THADA: variants seen among roughly 807,000 people sequenced by gnomAD.
The protein encoded by THADA is THADA armadillo repeat containing.
THADA carries 213 observed loss-of-function variants against 219.8 expected under a neutral mutation model. The observed-to-expected ratio is 0.97, with a 90% CI of 0.87 to 1.09. The LOEUF (loss-of-function observed/expected upper bound fraction) is 1.09. Ranked by LOEUF, THADA falls within the 50% of genes least tolerant of loss-of-function variation. THADA has a pLI of 0.00. For missense variants in THADA, 2,956 were observed against 2,311.3 expected (o/e 1.28, Z -5.72); for synonymous variants, 1,018 against 828.9 (o/e 1.23, Z -3.92).
chr2:43,297,416 C>A (rs1490550767), intron 31 of THADA, among the ~76,000 whole-genome samples: 3 of 98,180 alleles, frequency 3.1e-5, no homozygotes, highest in South Asian at 3.8e-4. Flanking sequence ...GGAGCGTCTC[C>A]GCCCGGCAGC....
At chr2:43,301,480 G>C (rs1676259938) in intron 31 of THADA, among the ~76,000 whole-genome samples, 1 of 152,166 alleles carries the variant, frequency 6.6e-6, no homozygotes, top group Admixed American at 6.5e-5. Flanking sequence ...TGCTCTCATG[G>C]AGCTCCAACT....
chr2:43,413,397 G>A (rs551490742), intron 28 of THADA, among the ~76,000 whole-genome samples: 1 of 152,284 alleles, frequency 6.6e-6, no homozygotes, highest in African/African-American at 2.4e-5. Flanking sequence ...GATTAGCAAA[G>A]ATGGGTTGGG....
At chr2:43,353,976 C>T (rs1008750763) in intron 29 of THADA, among the ~76,000 whole-genome samples, 2 of 152,102 alleles carry the variant, frequency 1.3e-5, no homozygotes. Context: ...TGCCACCATG[C>T]CCGGCTAATT....
chr2:43,464,172 T>C (rs1453500329), intron 26 of THADA, among the ~76,000 whole-genome samples: 1 of 152,208 alleles, frequency 6.6e-6, no homozygotes, highest in Non-Finnish European at 1.5e-5. Context: ...CCCATCCCAG[T>C]GGGTAAAACC....
chr2:43,461,223 T>C (rs1215386205), intron 26 of THADA, among the ~76,000 whole-genome samples: 1 of 152,216 alleles, frequency 6.6e-6, no homozygotes, highest in Non-Finnish European at 1.5e-5. Flanking sequence ...CACCTAAGTC[T>C]ACACTGCCCA....
At chr2:43,317,319 T>G (rs1322964266) in intron 31 of THADA, among the ~76,000 whole-genome samples, 5 of 152,238 alleles carry the variant, frequency 3.3e-5, no homozygotes, top group African/African-American at 1.2e-4. Flanking sequence ...TGATAACAGC[T>G]GTTACTATTC....
intron 16 of THADA, among the ~76,000 whole-genome samples, chr2:43,557,010 G>A (rs1466519700): frequency 1.3e-5 from 2 of 152,142 alleles, no homozygotes; most frequent in African/African-American, 4.8e-5. Flanking sequence ...TCGAGCTCAG[G>A]AGTTCATGGC....
Position 43,552,268 on chromosome 2 carries a change from C to G in THADA, c.2746G>C (p.Ala916Pro), listed in dbSNP as rs775885637. ...ACTCGCCCATACATTGGAAATGCTG[C>G]TGCTGCCTGAAGCAGAGAATTTTCA... The part of the protein sequence containing the change: ...QAENSLLQAA[A>P]AFPMYGRVHC... The change falls in exon 18 of 38, where the codon GCA (alanine) becomes CCA (proline). Residue 916 changes from alanine (A) to proline (P), a missense_variant. By Grantham distance (27) the Ala-to-Pro change is conservative. Transcript: ENST00000405975. 26 of 1,611,610 alleles carry G rather than the reference C, an allele frequency of 1.6e-5. No homozygotes were observed. The highest frequency in any genetic ancestry group is 2.1e-5 in the Non-Finnish European group (25 of 1,179,270).
chr2:43,556,606 T>C, intron 16 of THADA, 51 bp from the exon 17 acceptor site: 5 of 1,543,580 alleles, frequency 3.2e-6, no homozygotes, highest in Non-Finnish European at 4.4e-6. Flanking sequence ...TCTCTTTAAT[T>C]TAAAAAAATA....
chr2:43,262,669 T>C (rs1209254476), intron 36 of THADA, among the ~76,000 whole-genome samples: 3 of 152,262 alleles, frequency 2.0e-5, no homozygotes, highest in African/African-American at 7.2e-5. Context: ...AGAGTGTTAA[T>C]TTCTATTTCA....
chr2:43,563,328 T>C (rs1447740825), intron 15 of THADA: 1 of 152,172 alleles, frequency 6.6e-6, no homozygotes, highest in Admixed American at 6.5e-5. Context: ...AGAGCTTTTT[T>C]CAAATGTGAA....
chr2:43,554,000 T>C (rs1489212039), intron 17 of THADA, among the ~76,000 whole-genome samples: 1 of 152,216 alleles, frequency 6.6e-6, no homozygotes, highest in Non-Finnish European at 1.5e-5. Context: ...ACAAGTTCTT[T>C]ATATATACTA....
intron 29 of THADA, among the ~76,000 whole-genome samples, chr2:43,374,789 G>A (rs945798326): frequency 2.0e-5 from 3 of 151,910 alleles, no homozygotes; most frequent in Admixed American, 6.5e-5. Flanking sequence ...AAAGGTAGGC[G>A]ACTATACAAA....
intron 31 of THADA, among the ~76,000 whole-genome samples, chr2:43,300,677 A>G (rs996493599): frequency 6.6e-6 from 1 of 152,294 alleles, no homozygotes; most frequent in African/African-American, 2.4e-5. Flanking sequence ...ACCTTTAAAT[A>G]AGTTTGCTGA....
intron 34 of THADA, 71 bp downstream of exon 34, chr2:43,291,625 T>C: frequency 8.0e-7 from 1 of 1,245,446 alleles, no homozygotes; most frequent in Non-Finnish European, 1.1e-6. Flanking sequence ...CTGTTCACTT[T>C]TACTGACATC....
chr2:43,372,323 A>C (rs1670899255), intron 29 of THADA: 1 of 152,268 alleles, frequency 6.6e-6, no homozygotes, highest in Non-Finnish European at 1.5e-5. Context: ...AACCTGATAC[A>C]TTCAGAGGAC....
intron 15 of THADA, among the ~76,000 whole-genome samples, chr2:43,561,751 A>G (rs894767898): frequency 2.0e-5 from 3 of 151,240 alleles, no homozygotes; most frequent in Non-Finnish European, 4.4e-5. Flanking sequence ...TTTTTCTTGT[A>G]TAATTGCTCT....
chr2:43,280,738 T>G (rs1673249338), intron 35 of THADA, among the ~76,000 whole-genome samples: 1 of 152,220 alleles, frequency 6.6e-6, no homozygotes, highest in Non-Finnish European at 1.5e-5. Context: ...GTCCACTATC[T>G]GACTGCCATT....
chr2:43,478,113 T>C (rs1685756205), intron 26 of THADA, among the ~76,000 whole-genome samples: 1 of 152,206 alleles, frequency 6.6e-6, no homozygotes, highest in South Asian at 2.1e-4. Context: ...GTAAACTCCT[T>C]GAAATCTCAG....
Sources: gnomAD v4.1 joint callset for allele counts (sites outside exome capture counted in the v4.1 genomes callset) on GRCh38, gnomAD v4.1.1 for gene constraint, MANE v1.5 for transcripts, NCBI Gene and HGNC (gene_info 2026-07-23, HGNC 2026-07-21) for gene names.